The following GRK3 variants were observed in gnomAD, a reference collection of about 807,000 sequenced individuals.
GRK3 encodes the protein G protein-coupled receptor kinase 3.
Under a neutral mutation model 95.7 loss-of-function variants are expected in GRK3, and 54 were observed. That is an observed-to-expected ratio of 0.56 (90% CI 0.45 to 0.71). The LOEUF (loss-of-function observed/expected upper bound fraction) is 0.71, where lower values mean the gene tolerates loss of function less well. Among genes scored for constraint, GRK3 ranks in the 30% least tolerant of loss-of-function variants. GRK3 has a pLI of 0.00. For synonymous variants in GRK3, 281 were observed against 290.8 expected, an observed-to-expected ratio of 0.97 and a Z score of 0.34; for missense variants, 649 against 851.2, an observed-to-expected ratio of 0.76 and a Z score of 2.96.
intron 2 of GRK3, among the ~76,000 whole-genome samples, chr22:25,620,728 C>T (rs1182412562): frequency 6.6e-6 from 1 of 152,174 alleles, no homozygotes; most frequent in Non-Finnish European, 1.5e-5. Context: ...CTCCTGGAGT[C>T]CATCTAAGGG....
chr22:25,575,722 G>A (rs1405555210), intron 1 of GRK3, among the ~76,000 whole-genome samples: 3 of 152,252 alleles, frequency 2.0e-5, no homozygotes, highest in South Asian at 2.1e-4. Context: ...ATGCTTGGTA[G>A]CAGGTAGAAA....
At chr22:25,695,321 A>C in intron 13 of GRK3, 107 bp downstream of exon 13, 1 of 764,260 alleles carries the variant, frequency 1.3e-6, no homozygotes, top group Non-Finnish European at 2.2e-6. Flanking sequence ...TTTAAATCAC[A>C]CAGTGATCTT....
chr22:25,606,092 G>A (rs558889306), intron 2 of GRK3, among the ~76,000 whole-genome samples: 39 of 152,222 alleles, frequency 2.6e-4, no homozygotes, highest in Admixed American at 1.6e-3. Context: ...CCCTGGCACC[G>A]GGAGACTCTG....
At position 25,714,473 on chromosome 22, in the gene GRK3, A is replaced by G; in HGVS notation, c.1557A>G (p.Gln519=). 1 of 1,614,116 alleles carries G rather than the reference A, an allele frequency of 6.2e-7. No homozygotes were observed. The highest frequency in any genetic ancestry group is 1.3e-5 in the African/African-American group (1 of 75,060). The change falls in exon 18 of 21, where the codon CAA becomes CAG. Residue 519 remains glutamine, a synonymous_variant. Coordinates refer to ENST00000324198, the MANE Select transcript of GRK3 (RefSeq NM_005160.4). ...TGGTCATCTCTGAACGCTGGCAGCA[A>G]GAAGTAACGGAAACAGTTTATGAAG... is the stretch of plus-strand genomic sequence containing the variant. The part of the protein sequence containing the change: ...FPLVISERWQ[Q]EVTETVYEAV...
At chr22:25,660,074 A>C (rs1388072032) in intron 3 of GRK3, among the ~76,000 whole-genome samples, 1 of 152,236 alleles carries the variant, frequency 6.6e-6, no homozygotes, top group Non-Finnish European at 1.5e-5. Context: ...GTGATAGTCT[A>C]CCATTTTATC....
intron 13 of GRK3, among the ~76,000 whole-genome samples, chr22:25,698,767 C>T (rs761399057): frequency 7.2e-5 from 11 of 152,022 alleles, no homozygotes; most frequent in African/African-American, 1.7e-4. Context: ...ATGGAGGAAC[C>T]GAGACAGGAG....
At position 25,576,198 on chromosome 22, in the gene GRK3, C is replaced by G. The variant is rs191683173; in HGVS notation, c.113+11045C>G. Among the ~76,000 whole-genome samples, 6 of 151,952 alleles carry G rather than the reference C, an allele frequency of 3.9e-5. No individual in the cohort carries two copies. In the East Asian group the frequency reaches 1.2e-3, roughly 29 times the overall value. On this transcript the variant is annotated intron_variant, in intron 1 of 20. Coordinates refer to ENST00000324198, the MANE Select transcript of GRK3 (RefSeq NM_005160.4). ...GGCTGGAGCTCTCTCTCGTGGGTCC[C>G]CCTTGTGGGAAGCAAAACGACCATC...
At chr22:25,650,133 AG>A (rs1456502923) in intron 3 of GRK3, among the ~76,000 whole-genome samples, 1 of 152,008 alleles carries the variant, frequency 6.6e-6, no homozygotes, top group Non-Finnish European at 1.5e-5. Flanking sequence ...CTGGGATTAC[AG>A]GTAGCACCCT....
Position 25,649,230 on chromosome 22 carries a change from T to C in GRK3, c.264+4565T>C, listed in dbSNP as rs1397216614. On this transcript the variant is annotated intron_variant, in intron 3 of 20. Coordinates refer to ENST00000324198, the MANE Select transcript of GRK3 (RefSeq NM_005160.4). ...GCCATAGTACCAGCCAGGAGAAAACTTCTAATTCAAGTAGCCTATTTTATA... is the reference window on the plus strand; with the variant it reads ...GCCATAGTACCAGCCAGGAGAAAACCTCTAATTCAAGTAGCCTATTTTATA... The C allele has an allele frequency of 2.9e-5, 36 of 1,259,132 alleles. No individual in the cohort carries two copies. In the Admixed American group the frequency reaches 6.1e-4, roughly 21 times the overall value. 78.0% of individuals were successfully genotyped at this position (1,259,132 alleles called of 1,614,324 possible).
intron 1 of GRK3, among the ~76,000 whole-genome samples, chr22:25,587,917 CCT>C (rs1329886626): frequency 1.3e-5 from 2 of 152,162 alleles, no homozygotes; most frequent in African/African-American, 2.4e-5. Flanking sequence ...CCAATTAAAC[CCT>C]GTTTCCTGGA....
At chr22:25,581,753 C>T (rs568847054) in intron 1 of GRK3, among the ~76,000 whole-genome samples, 76 of 151,672 alleles carry the variant, frequency 5.0e-4, no homozygotes, top group African/African-American at 1.8e-3. Context: ...ACTTCACTGA[C>T]TTATTCAGAT....
intron 2 of GRK3, among the ~76,000 whole-genome samples, chr22:25,619,115 A>G (rs2084561453): frequency 6.6e-6 from 1 of 152,200 alleles, no homozygotes; most frequent in African/African-American, 2.4e-5. Context: ...GACTCCCTGT[A>G]AAATCCTAGA....
rs144869529 is a variant in GRK3, at chr22:25,582,274, C to T, written c.113+17121C>T. Among the ~76,000 whole-genome samples the T allele has an allele frequency of 7.8e-3, 1,185 of 151,198 alleles. 4 individuals are homozygous for T. Among genetic ancestry groups the T allele is most frequent in the Middle Eastern group, 0.027 (8 of 294 alleles). On this transcript the variant is annotated intron_variant, in intron 1 of 20. Coordinates refer to ENST00000324198, the MANE Select transcript of GRK3 (RefSeq NM_005160.4). ...TCCAGTCCAGGTGACAGAGCAATAC[C>T]CTGTCTCAAAAAAAAAAAAGAGTGT...
At chr22:25,582,000 T>C (rs1462143057) in intron 1 of GRK3, among the ~76,000 whole-genome samples, 2 of 152,184 alleles carry the variant, frequency 1.3e-5, no homozygotes, top group Non-Finnish European at 2.9e-5. Flanking sequence ...AAGTGTTTCA[T>C]GGCTGGGCGC....
At chr22:25,577,423 C>T (rs1931943645) in intron 1 of GRK3, among the ~76,000 whole-genome samples, 1 of 152,198 alleles carries the variant, frequency 6.6e-6, no homozygotes, top group Admixed American at 6.5e-5. Context: ...GATTCAACTG[C>T]CTCAGCCTCC....
At chr22:25,669,003 A>G (rs2084960727) in intron 6 of GRK3, among the ~76,000 whole-genome samples, 1 of 152,190 alleles carries the variant, frequency 6.6e-6, no homozygotes, top group Non-Finnish European at 1.5e-5. Context: ...AAGCAGGCAC[A>G]TGGGATTTTC....
intron 13 of GRK3, among the ~76,000 whole-genome samples, chr22:25,702,099 T>C (rs2085263560): frequency 6.6e-6 from 1 of 152,166 alleles, no homozygotes; most frequent in South Asian, 2.1e-4. Context: ...CTTTTTTTTT[T>C]TTCCCAAATT....
In GRK3 at chr22:25,722,318, A is replaced by G. The variant is rs566788875; in HGVS notation, c.1935A>G (p.Lys645=). The part of the protein sequence containing the change: ...ESDPEFVQWK[K]ELNETFKEAQ... Reference sequence around the variant, plus strand: ...ATCCAGAGTTTGTGCAGTGGAAGAAAGAGTTGAACGAAACCTTCAAGGAGG... The same window carrying G: ...ATCCAGAGTTTGTGCAGTGGAAGAAGGAGTTGAACGAAACCTTCAAGGAGG... Residue 645 remains lysine (K), a synonymous_variant, in exon 21 of 21, where the codon AAA becomes AAG. Transcript: ENST00000324198. 1,024 of 1,614,166 alleles carry G rather than the reference A, an allele frequency of 6.3e-4. 16 individuals are homozygous for G. The South Asian group carries it at 0.011, about 17-fold the overall frequency.
At chr22:25,566,610 T>A (rs1421631596) in intron 1 of GRK3, among the ~76,000 whole-genome samples, 3 of 152,172 alleles carry the variant, frequency 2.0e-5, no homozygotes, top group Admixed American at 1.3e-4. Flanking sequence ...TTCTGCAATG[T>A]CGTGAGTTTA....
Sources: gnomAD v4.1 joint callset for allele counts (sites outside exome capture counted in the v4.1 genomes callset) on GRCh38, gnomAD v4.1.1 for gene constraint, MANE v1.5 for transcripts, NCBI Gene and HGNC (gene_info 2026-07-23, HGNC 2026-07-21) for gene names.